The following AFAP1 variants were observed in gnomAD, a reference collection of about 807,000 sequenced individuals.
AFAP1 encodes actin filament-associated protein 1.
In AFAP1, 75 loss-of-function variants were observed where a neutral mutation model predicts 93.9. The observed-to-expected ratio is 0.80, with a 90% confidence interval of 0.66 to 0.97. AFAP1 has a LOEUF of 0.97. Among genes scored for constraint, AFAP1 ranks in the 50% least tolerant of loss-of-function variants. The pLI, the probability that AFAP1 is intolerant of heterozygous loss-of-function variation, is 0.00. For synonymous variants in AFAP1, 517 were observed against 430.7 expected, an observed-to-expected ratio of 1.20 and a Z score of -2.48; for missense variants, 1,201 against 1,050.8, an observed-to-expected ratio of 1.14 and a Z score of -1.98.
chr4:7,799,333 A>T (rs1553831381), intron 10 of AFAP1, among the ~76,000 whole-genome samples: 1 of 146,148 alleles, frequency 6.8e-6, no homozygotes, highest in Non-Finnish European at 1.5e-5. Context: ...ATCCCCACCA[A>T]AAAAAAAAGC....
intron 1 of AFAP1, among the ~76,000 whole-genome samples, chr4:7,917,062 A>G (rs1051374728): frequency 6.6e-6 from 1 of 152,192 alleles, no homozygotes; most frequent in Non-Finnish European, 1.5e-5. Flanking sequence ...GCTTCTCTCT[A>G]CTGCAATTCT....
At chr4:7,914,871 C>T (rs1012078754) in intron 1 of AFAP1, among the ~76,000 whole-genome samples, 1 of 152,102 alleles carries the variant, frequency 6.6e-6, no homozygotes, top group African/African-American at 2.4e-5. Context: ...CCTCAGCCTC[C>T]CAAGTAGCTG....
At position 7,876,272 on chromosome 4, in the gene AFAP1, A is replaced by G. The variant is rs114471549; in HGVS notation, c.-2-4192T>C. 5.9e-3 allele frequency among the ~76,000 whole-genome samples: 899 copies of G among 152,298 alleles called. 7 individuals are homozygous for G. The highest frequency in any genetic ancestry group is 0.019 in the African/African-American group (787 of 41,552). On this transcript the variant is annotated intron_variant, in intron 1 of 17. Coordinates refer to ENST00000420658, the MANE Select transcript of AFAP1 (RefSeq NM_001134647.2). ...GTGGCCCTGGCCAAGGTATCTGCCC[A>G]TCCTCTCCTCTGAGAACAGCAGCCT...
chr4:7,786,191 C>A lies in AFAP1; in HGVS notation c.1530+3G>T. The A allele has an allele frequency of 6.2e-7, 1 of 1,613,180 alleles. No individual in the cohort carries two copies. Among genetic ancestry groups the A allele is most frequent in the South Asian group, 1.1e-5 (1 of 90,960 alleles). ...ACCATTACTCCAAAAAAAGGGCACT[C>A]ACCGAGCCGTTGATGCACGGGACAT... On this transcript the variant is annotated splice_donor_region_variant and intron_variant, in intron 12 of 17. Transcript: ENST00000420658.
At chr4:7,853,615 G>A (rs573236880) in intron 4 of AFAP1, among the ~76,000 whole-genome samples, 35 of 152,232 alleles carry the variant, frequency 2.3e-4, no homozygotes, top group Admixed American at 1.4e-3. Flanking sequence ...AACTGCACAC[G>A]CCCTCAATTC....
Position 7,781,582 on chromosome 4 carries a change from C to T in AFAP1, c.1576G>A (p.Gly526Arg). The change falls in exon 13 of 18, where the codon GGA (glycine) becomes AGA (arginine). Residue 526 changes from glycine to arginine, a missense_variant. Physicochemically the swap from Gly to Arg is moderately radical, Grantham distance 125 (BLOSUM62 -2). Coordinates refer to ENST00000420658, the MANE Select transcript of AFAP1 (RefSeq NM_001134647.2). ...GCGTTATCATAAAGCACCTCTTCTC[C>T]CAAGCCTCTGCTGCAGGAAGCAGGA... ...GFPASCSRGLGEEVLYDNAGL... is the reference protein window; with the variant it reads ...GFPASCSRGLREEVLYDNAGL... The T allele has an allele frequency of 1.9e-6, 3 of 1,551,846 alleles. No individual in the cohort carries two copies. The Admixed American group carries it at 5.9e-5, about 30-fold the overall frequency.
intron 4 of AFAP1, among the ~76,000 whole-genome samples, chr4:7,845,480 A>G (rs1293663095): frequency 6.6e-6 from 1 of 152,120 alleles, no homozygotes; most frequent in East Asian, 1.9e-4. Context: ...GAGATTGAAG[A>G]GGTAACTTTG....
chr4:7,935,851 T>C (rs1316885556), intron 1 of AFAP1, among the ~76,000 whole-genome samples: 3 of 152,214 alleles, frequency 2.0e-5, no homozygotes, highest in Admixed American at 2.0e-4. Context: ...TCCATACCCA[T>C]GCATCCCCTC....
At chr4:7,895,608 G>GT (rs1718718280) in intron 1 of AFAP1, among the ~76,000 whole-genome samples, 3 of 148,938 alleles carry the variant, frequency 2.0e-5, no homozygotes, top group Admixed American at 2.0e-4. Context: ...AGTCACTCGA[G>GT]TTTTTTAAAA....
At chr4:7,898,064 C>T (rs1718889651) in intron 1 of AFAP1, among the ~76,000 whole-genome samples, 1 of 152,208 alleles carries the variant, frequency 6.6e-6, no homozygotes, top group Non-Finnish European at 1.5e-5. Flanking sequence ...TCACCTTCCT[C>T]ATCCTTCCCA....
intron 1 of AFAP1, among the ~76,000 whole-genome samples, chr4:7,903,947 T>C (rs1377366451): frequency 6.9e-6 from 1 of 145,526 alleles, no homozygotes; most frequent in Admixed American, 6.7e-5. Flanking sequence ...TGGTTTAATG[T>C]CTTTTTTTTT....
At chr4:7,906,202 C>T (rs1239781188) in intron 1 of AFAP1, among the ~76,000 whole-genome samples, 1 of 152,134 alleles carries the variant, frequency 6.6e-6, no homozygotes, top group Non-Finnish European at 1.5e-5. Flanking sequence ...GCCTCTACTC[C>T]CAGCTCTGCG....
chr4:7,931,805 A>C lies in AFAP1; in HGVS notation c.-3+7851T>G, dbSNP rs559717656. ...CACAAAATTTTTGCACAGGATTTTGAGGAGTTCATAAATTTCTGAAAGCCA... is the reference window on the plus strand; with the variant it reads ...CACAAAATTTTTGCACAGGATTTTGCGGAGTTCATAAATTTCTGAAAGCCA... On this transcript the variant is annotated intron_variant, in intron 1 of 17. Transcript: ENST00000420658. Among the ~76,000 whole-genome samples the C allele has an allele frequency of 5.4e-5, 8 of 149,302 alleles. No homozygotes were observed. The East Asian group carries it at 1.9e-3, about 36-fold the overall frequency.
intron 9 of AFAP1, among the ~76,000 whole-genome samples, chr4:7,800,906 C>G (rs1367733236): frequency 6.6e-6 from 1 of 152,188 alleles, no homozygotes; most frequent in Non-Finnish European, 1.5e-5. Flanking sequence ...GTGCAACGAA[C>G]CAGTTACCAG....
At chr4:7,914,396 C>T (rs11937029) in intron 1 of AFAP1, among the ~76,000 whole-genome samples, 4,723 of 152,262 alleles carry the variant, frequency 0.031, 208 homozygotes, top group African/African-American at 0.098. Context: ...AGAGAACATG[C>T]GGTGTTTAAC....
At chr4:7,927,422 G>T (rs1316041126) in intron 1 of AFAP1, among the ~76,000 whole-genome samples, 1 of 152,220 alleles carries the variant, frequency 6.6e-6, no homozygotes, top group Non-Finnish European at 1.5e-5. Context: ...TAATAGAGCT[G>T]CTCTAAAAAT....
chr4:7,838,578 CGT>C lies in AFAP1; in HGVS notation c.670_671del (p.Thr224GlyfsTer28). 1 of 1,614,130 alleles carries C rather than the reference CGT, an allele frequency of 6.2e-7. No homozygotes were observed. Reference protein sequence around the residue: ...KHELKITQQGTDPLVLAVQSK... With the variant: ...KHELKITQQGXDPLVLAVQSK... The stretch of plus-strand genomic sequence containing the variant: ...TCTGGACGGCGAGAACAAGCGGGTC[CGT>C]GCCCTGCTGAGTAATCTTCAGCTCG... On this transcript the variant is annotated frameshift_variant, in exon 6 of 18. Coordinates refer to ENST00000420658, the MANE Select transcript of AFAP1 (RefSeq NM_001134647.2). LOFTEE classifies it high-confidence loss of function.
intron 1 of AFAP1, among the ~76,000 whole-genome samples, chr4:7,936,202 G>A (rs1392682501): frequency 2.0e-5 from 3 of 152,190 alleles, no homozygotes; most frequent in Non-Finnish European, 4.4e-5. Context: ...AGGAATAGCA[G>A]AGAAAATTGT....
intron 1 of AFAP1, chr4:7,872,359 G>A (rs950027733): frequency 9.5e-6 from 3 of 315,922 alleles, no homozygotes; most frequent in Admixed American, 9.4e-5. Context: ...CAACCCAAAG[G>A]CCTGACGTCA....
Sources: allele counts gnomAD v4.1 joint callset (sites outside exome capture counted in the v4.1 genomes callset), GRCh38; gene constraint gnomAD v4.1.1; transcripts MANE v1.5; gene names NCBI Gene and HGNC (gene_info 2026-07-23, HGNC 2026-07-21).